Variants in ATP8B4 observed in about 807,000 individuals in gnomAD.
The protein encoded by ATP8B4 is probable phospholipid-transporting ATPase IM.
ATP8B4 carries 133 observed loss-of-function variants against 145.6 expected under a neutral mutation model. That is an observed-to-expected ratio of 0.91 (90% CI 0.79 to 1.05). The LOEUF (loss-of-function observed/expected upper bound fraction) is 1.05. Ranked by LOEUF, ATP8B4 falls within the 50% of genes least tolerant of loss-of-function variation. ATP8B4 has a pLI of 0.00. For synonymous variants in ATP8B4, 507 were observed against 492.9 expected, an observed-to-expected ratio of 1.03 and a Z score of -0.38; for missense variants, 1,458 against 1,425.2, an observed-to-expected ratio of 1.02 and a Z score of -0.37.
At chr15:49,964,398 C>T (rs561679552) in intron 13 of ATP8B4, among the ~76,000 whole-genome samples, 1 of 152,034 alleles carries the variant, frequency 6.6e-6, no homozygotes, top group Non-Finnish European at 1.5e-5. Flanking sequence ...AGCCCATTTA[C>T]AGGGCTGTTG....
intron 26 of ATP8B4, among the ~76,000 whole-genome samples, chr15:49,863,128 G>A (rs576882765): frequency 3.9e-5 from 6 of 152,232 alleles, no homozygotes; most frequent in Admixed American, 2.0e-4. Flanking sequence ...TTTATCTATT[G>A]CAGGACCAAC....
chr15:49,880,107 G>A (rs1277968760), intron 23 of ATP8B4: 1 of 152,206 alleles, frequency 6.6e-6, no homozygotes, highest in Non-Finnish European at 1.5e-5. Context: ...TGTGGAAACA[G>A]AACCTTTCGG....
At chr15:50,129,069 A>G (rs1238162868) in intron 1 of ATP8B4, among the ~76,000 whole-genome samples, 1 of 152,212 alleles carries the variant, frequency 6.6e-6, no homozygotes, top group Non-Finnish European at 1.5e-5. Context: ...CTCCGTCTCA[A>G]AAAAATAAAT....
intron 6 of ATP8B4, among the ~76,000 whole-genome samples, chr15:50,031,850 C>G (rs1441808645): frequency 6.6e-6 from 1 of 152,300 alleles, no homozygotes; most frequent in East Asian, 1.9e-4. Flanking sequence ...CTAGCCACCC[C>G]TCTGAATCAA....
chr15:50,114,665 C>T (rs1483776438), intron 1 of ATP8B4, among the ~76,000 whole-genome samples: 2 of 152,182 alleles, frequency 1.3e-5, no homozygotes, highest in Non-Finnish European at 2.9e-5. Flanking sequence ...CCCTTCTAAG[C>T]TCCAGTTTTC....
At chr15:50,008,544 C>A (rs2048488511) in intron 7 of ATP8B4, among the ~76,000 whole-genome samples, 1 of 152,184 alleles carries the variant, frequency 6.6e-6, no homozygotes, top group South Asian at 2.1e-4. Flanking sequence ...CTTGTGCTTG[C>A]CTTCTGTATT....
chr15:50,170,032 G>T (rs2044649016), intron 1 of ATP8B4, among the ~76,000 whole-genome samples: 1 of 152,078 alleles, frequency 6.6e-6, no homozygotes, highest in Non-Finnish European at 1.5e-5. Context: ...CTGGGATTAT[G>T]TTAAATGACC....
In ATP8B4 at chr15:49,914,888, A is replaced by C. The variant is rs984924152; in HGVS notation, c.2141+2046T>G. ...TGTAAATTAGTACAGCCACTAGAGA[A>C]AACACTATGGAGATTTCTCCAAAAA... On this transcript the variant is annotated intron_variant, in intron 20 of 27. Transcript: ENST00000284509. 3.3e-5 allele frequency among the ~76,000 whole-genome samples: 5 copies of C among 152,154 alleles called. No individual in the cohort carries two copies. In the East Asian group the frequency reaches 9.6e-4, roughly 29 times the overall value.
At chr15:50,091,250 T>A (rs966264628) in intron 2 of ATP8B4, among the ~76,000 whole-genome samples, 6 of 152,170 alleles carry the variant, frequency 3.9e-5, no homozygotes, top group African/African-American at 1.4e-4. Flanking sequence ...CTGACAATAC[T>A]CAGCCTAATA....
chr15:50,157,886 C>G (rs1299154010), intron 1 of ATP8B4, among the ~76,000 whole-genome samples: 1 of 152,202 alleles, frequency 6.6e-6, no homozygotes, highest in Admixed American at 6.5e-5. Context: ...TGCCCAGTGC[C>G]TGCGATTGCA....
chr15:49,918,565 A>G (rs1024430477), intron 19 of ATP8B4, among the ~76,000 whole-genome samples: 1 of 152,022 alleles, frequency 6.6e-6, no homozygotes, highest in Non-Finnish European at 1.5e-5. Context: ...TTTAAATACC[A>G]TTTTTGCCTC....
intron 3 of ATP8B4, among the ~76,000 whole-genome samples, chr15:50,066,864 C>A (rs2053419211): frequency 6.6e-6 from 1 of 151,966 alleles, no homozygotes; most frequent in African/African-American, 2.4e-5. Flanking sequence ...CGGCTTTCTT[C>A]AGGTCCTCCA....
intron 14 of ATP8B4, among the ~76,000 whole-genome samples, chr15:49,952,067 T>G (rs192488951): frequency 6.6e-6 from 1 of 152,198 alleles, no homozygotes; most frequent in African/African-American, 2.4e-5. Context: ...GATCTGCTGA[T>G]AGTCTGATGG....
chr15:50,087,339 A>AATCG (rs2055270041), intron 2 of ATP8B4, among the ~76,000 whole-genome samples: 1 of 133,912 alleles, frequency 7.5e-6, no homozygotes, highest in African/African-American at 2.8e-5. Flanking sequence ...ATTTATATAT[A>AATCG]ATATAGATCT....
chr15:50,041,729 G>A (rs939939110), intron 5 of ATP8B4, among the ~76,000 whole-genome samples: 1 of 152,132 alleles, frequency 6.6e-6, no homozygotes, highest in Admixed American at 6.5e-5. Context: ...AGATCACGAG[G>A]TCAGATCGAG....
At chr15:49,902,023 A>C (rs2038093640) in intron 20 of ATP8B4, 1 of 198,486 alleles carries the variant, frequency 5.0e-6, no homozygotes, top group African/African-American at 2.4e-5. Flanking sequence ...GACATAGCAC[A>C]CTTAGAAGTG....
chr15:49,922,318 T>C, intron 17 of ATP8B4: 4 of 378,928 alleles, frequency 1.1e-5, no homozygotes, highest in Non-Finnish European at 2.1e-5. Flanking sequence ...AACCAGGGCC[T>C]TGGTGTTTGA....
At chr15:49,995,847 T>G (rs986116685) in intron 9 of ATP8B4, among the ~76,000 whole-genome samples, 3 of 151,714 alleles carry the variant, frequency 2.0e-5, no homozygotes, top group African/African-American at 7.3e-5. Context: ...CACTGAGGAG[T>G]GAAAGGGAGA....
intron 14 of ATP8B4, among the ~76,000 whole-genome samples, chr15:49,954,944 T>C (rs574644408): frequency 6.6e-6 from 1 of 152,314 alleles, no homozygotes; most frequent in South Asian, 2.1e-4. Context: ...CAGCGGTGGA[T>C]AGGATTAAGA....
Sources: gnomAD v4.1 joint callset for allele counts (sites outside exome capture counted in the v4.1 genomes callset) on GRCh38, gnomAD v4.1.1 for gene constraint, MANE v1.5 for transcripts, NCBI Gene and HGNC (gene_info 2026-07-23, HGNC 2026-07-21) for gene names.